DHCR7: variants seen among roughly 807,000 people sequenced by gnomAD.
DHCR7 encodes 7-dehydrocholesterol reductase, also known as 7-DHC reductase.
A neutral mutation model predicts 43.3 loss-of-function variants in DHCR7; 40 were observed. The ratio of observed to expected loss-of-function variants is 0.92; its 90% CI spans 0.72 to 1.20. The LOEUF (loss-of-function observed/expected upper bound fraction) is 1.20. Among genes scored for constraint, DHCR7 ranks in the 50% most tolerant of loss-of-function variants. The pLI is 0.00. For missense variants in DHCR7, 608 were observed against 644.6 expected (o/e 0.94, Z 0.62); for synonymous variants, 298 against 271.4 (o/e 1.10, Z -0.96).
chr11:71,446,736 A>G (rs1949408340), intron 2 of DHCR7, among the ~76,000 whole-genome samples: 1 of 152,264 alleles, frequency 6.6e-6, no homozygotes, highest in South Asian at 2.1e-4. Flanking sequence ...ACTTCATTCA[A>G]TTTACACAAG....
downstream of DHCR7, among the ~76,000 whole-genome samples, chr11:71,430,885 T>C (rs1387897553): frequency 6.6e-6 from 1 of 152,222 alleles, no homozygotes; most frequent in Non-Finnish European, 1.5e-5. Context: ...CTGGGCACGG[T>C]GGCTCACGCC....
At position 71,441,404 on chromosome 11, in the gene DHCR7, G is replaced by A; in HGVS notation, c.449C>T (p.Ala150Val). The A allele has an allele frequency of 6.2e-7, 1 of 1,614,052 alleles. No individual in the cohort carries two copies. Among genetic ancestry groups the A allele is most frequent in the Non-Finnish European group, 8.5e-7 (1 of 1,179,924 alleles). The change falls in exon 6 of 9, where the codon GCC (alanine) becomes GTC (valine). Residue 150 changes from alanine to valine, a missense_variant. Transcript: ENST00000355527. ...CCAGAGCAGGTGCGTGAGGAGCCAG[G>A]CTTGCAGGCCATTGATCTGATACTT... ...VNKYQINGLQ[A>V]WLLTHLLWFA... is the part of the protein sequence containing the mutation.
Position 71,441,278 on chromosome 11 carries a change from G to A in DHCR7, c.575C>T (p.Ser192Phe), listed in dbSNP as rs766299724. 2.2e-5 allele frequency: 35 copies of A among 1,614,234 alleles called. No homozygotes were observed. The highest frequency in any genetic ancestry group is 4.5e-5 in the East Asian group (2 of 44,874). The change falls in exon 6 of 9, where the codon TCC becomes TTC. Residue 192 changes from serine (S) to phenylalanine (F), a missense_variant. Physicochemically the swap from Ser to Phe is radical, Grantham distance 155 (BLOSUM62 -2). Coordinates refer to ENST00000355527, the MANE Select transcript of DHCR7 (RefSeq NM_001360.3). ...WCANILGYAV[S>F]TFAMVKGYFF... Reference sequence around the variant, plus strand: ...GTAGCCCTTGACCATGGCGAAGGTGGAGACGGCATAGCCAAGGATGTTGGC... The same window carrying A: ...GTAGCCCTTGACCATGGCGAAGGTGAAGACGGCATAGCCAAGGATGTTGGC...
At chr11:71,429,770 C>T (rs1949219358), downstream of DHCR7, among the ~76,000 whole-genome samples, 1 of 152,142 alleles carries the variant, frequency 6.6e-6, no homozygotes, top group African/African-American at 2.4e-5. Context: ...GTGTTTAAAG[C>T]TGTGAGCCAG....
At chr11:71,439,453 C>T (rs537711085) in intron 6 of DHCR7, among the ~76,000 whole-genome samples, 1 of 152,362 alleles carries the variant, frequency 6.6e-6, no homozygotes, top group South Asian at 2.1e-4. Flanking sequence ...GAAGAACTGG[C>T]TTGATTGCAC....
At chr11:71,443,774 G>T (rs12422045) in intron 4 of DHCR7, among the ~76,000 whole-genome samples, 1 of 151,980 alleles carries the variant, frequency 6.6e-6, no homozygotes, top group Non-Finnish European at 1.5e-5. Context: ...CAGGCATGCC[G>T]TGAAGGTGTA....
At chr11:71,431,800 C>A (rs570543511), downstream of DHCR7, among the ~76,000 whole-genome samples, 13 of 152,224 alleles carry the variant, frequency 8.5e-5, no homozygotes, top group South Asian at 1.2e-3. Context: ...GGTATATATC[C>A]TTTTATGTAT....
rs1032242817 is a variant in DHCR7 at position 71,441,307 on chromosome 11, C to G, written c.546G>C (p.Trp182Cys). The G allele has an allele frequency of 2.5e-6, 4 of 1,614,104 alleles. No homozygotes were observed. Among genetic ancestry groups the G allele is most frequent in the Non-Finnish European group, 3.4e-6 (4 of 1,180,046 alleles). ...IIFDNWIPLL[W>C]CANILGYAVS... is the part of the protein sequence containing the mutation. ...CGGCATAGCCAAGGATGTTGGCGCA[C>G]CACAGCAGTGGGATCCAGTTGTCGA... The change falls in exon 6 of 9, where the codon TGG (tryptophan) becomes TGC (cysteine). Residue 182 changes from tryptophan (W) to cysteine (C), a missense_variant. Coordinates refer to ENST00000355527, the MANE Select transcript of DHCR7 (RefSeq NM_001360.3).
downstream of DHCR7, among the ~76,000 whole-genome samples, chr11:71,431,387 C>T (rs1213380272): frequency 6.6e-6 from 1 of 152,216 alleles, no homozygotes; most frequent in East Asian, 1.9e-4. Context: ...GGGGATCCAC[C>T]TCTGTCTGCT....
downstream of DHCR7, among the ~76,000 whole-genome samples, chr11:71,431,870 T>G (rs905817404): frequency 2.0e-5 from 3 of 152,232 alleles, no homozygotes; most frequent in African/African-American, 7.2e-5. Context: ...TGGCCCAGGC[T>G]GGAGTGCAAT....
intron 8 of DHCR7, among the ~76,000 whole-genome samples, chr11:71,437,007 C>T (rs1016483447): frequency 5.3e-5 from 8 of 152,182 alleles, no homozygotes; most frequent in Non-Finnish European, 7.4e-5. Flanking sequence ...AGAAATGGGG[C>T]CGGGTGGGCC....
At position 71,444,032 on chromosome 11, in the gene DHCR7, C is replaced by A. The variant is rs541593878; in HGVS notation, c.282G>T (p.Arg94Ser). The A allele has an allele frequency of 6.2e-7, 1 of 1,613,426 alleles. No individual in the cohort carries two copies. The highest frequency in any genetic ancestry group is 1.1e-5 in the South Asian group (1 of 90,956). The change falls in exon 4 of 9, where the codon AGG becomes AGT. Residue 94 changes from arginine to serine, a missense_variant. By Grantham distance (110) the Arg-to-Ser change is moderately radical. Transcript: ENST00000355527. ...ACAAGGTATAGAGCTGGGCGGCTTT[C>A]CTCGTTATAGGTGGAGTCTTGGCCC... The part of the protein sequence containing the change: ...DIWAKTPPIT[R>S]KAAQLYTLWV...
intron 6 of DHCR7, among the ~76,000 whole-genome samples, chr11:71,440,536 T>C (rs977851488): frequency 7.0e-6 from 1 of 143,706 alleles, no homozygotes; most frequent in African/African-American, 2.6e-5. Context: ...TGGCTAGATG[T>C]GTAGGTGGGT....
At chr11:71,438,505 T>C (rs1306392201) in intron 7 of DHCR7, among the ~76,000 whole-genome samples, 1 of 152,122 alleles carries the variant, frequency 6.6e-6, no homozygotes, top group Non-Finnish European at 1.5e-5. Flanking sequence ...GGGATGTTTC[T>C]GAGTGTCCCA....
chr11:71,440,352 G>A (rs1949335482), intron 6 of DHCR7, among the ~76,000 whole-genome samples: 1 of 152,130 alleles, frequency 6.6e-6, no homozygotes, highest in Non-Finnish European at 1.5e-5. Context: ...GCAGGTGGAT[G>A]GGTGGGTGGC....
At chr11:71,429,653 C>G (rs545249970), downstream of DHCR7, among the ~76,000 whole-genome samples, 4 of 152,112 alleles carry the variant, frequency 2.6e-5, no homozygotes, top group African/African-American at 7.2e-5. Context: ...AGTCGAGTAA[C>G]CTTTCAGATG....
Position 71,435,181 on chromosome 11 carries a change from T to C in DHCR7, c.*194A>G. On this transcript the variant is annotated 3_prime_UTR_variant, in exon 9 of 9. Transcript: ENST00000355527. ...CTGGCAATACGGCAGTGCTGGACACTCGGAATTCCCTTGAAGGCAAAAGCA... is the reference window on the plus strand; with the variant it reads ...CTGGCAATACGGCAGTGCTGGACACCCGGAATTCCCTTGAAGGCAAAAGCA... 1 of 714,864 alleles carries C rather than the reference T, an allele frequency of 1.4e-6. No homozygotes were observed. Among genetic ancestry groups the C allele is most frequent in the South Asian group, 1.5e-5 (1 of 67,370 alleles). 44.3% of individuals were successfully genotyped at this position (714,864 alleles called of 1,614,324 possible).
intron 7 of DHCR7, 44 bp downstream of exon 7, chr11:71,438,835 C>A (rs751732228): frequency 6.2e-7 from 1 of 1,600,790 alleles, no homozygotes; most frequent in Non-Finnish European, 8.5e-7. Flanking sequence ...TCCCCCAGAG[C>A]CTGCCGGCAT....
At chr11:71,428,815 T>C (rs1591104517) in exon 3 of DHCR7, 1 of 456,112 alleles carries the variant, frequency 2.2e-6, no homozygotes, top group Non-Finnish European at 4.4e-6. Context: ...AGGCAGCTCT[T>C]CCTGCCTCTA....
Sources: gnomAD v4.1 joint callset for allele counts (sites outside exome capture counted in the v4.1 genomes callset) on GRCh38, gnomAD v4.1.1 for gene constraint, MANE v1.5 for transcripts, NCBI Gene and HGNC (gene_info 2026-07-23, HGNC 2026-07-21) for gene names.